The following TSHZ3 variants were observed in gnomAD, a reference collection of about 807,000 sequenced individuals.
TSHZ3 encodes teashirt homolog 3.
Under a neutral mutation model 64.5 loss-of-function variants are expected in TSHZ3, and 10 were observed. That is an observed-to-expected ratio of 0.16 (90% CI 0.10 to 0.26). TSHZ3 has a LOEUF of 0.26. Ranked by LOEUF, TSHZ3 falls within the 10% of genes least tolerant of loss-of-function variation. The probability of loss-of-function intolerance (pLI) is 1.00; values close to 1 mark genes in which losing one functional copy is unlikely to be tolerated. For synonymous variants in TSHZ3, 608 were observed against 593.1 expected (o/e 1.03, Z -0.36); for missense variants, 1,242 against 1,421.7 (o/e 0.87, Z 2.03).
At chr19:31,197,392 C>A in intron 5 of TSHZ3, among the ~76,000 whole-genome samples, 1 of 149,182 alleles carries the variant, frequency 6.7e-6, no homozygotes, top group Admixed American at 6.7e-5. Context: ...TCTAGGCTTC[C>A]ATTAGAGAAA....
At chr19:31,215,594 T>G (rs1394424240) in intron 4 of TSHZ3, among the ~76,000 whole-genome samples, 2 of 152,240 alleles carry the variant, frequency 1.3e-5, no homozygotes, top group Admixed American at 6.5e-5. Flanking sequence ...GGTTCTAAGC[T>G]GGGTGTGGTG....
At chr19:31,163,839 C>T (rs76666656) in intron 5 of TSHZ3, among the ~76,000 whole-genome samples, 119 of 152,310 alleles carry the variant, frequency 7.8e-4, no homozygotes, top group African/African-American at 2.8e-3. Flanking sequence ...CCAATAATCC[C>T]ATCAAGAAGA....
At chr19:31,236,650 C>T (rs1169384053) in intron 3 of TSHZ3, among the ~76,000 whole-genome samples, 1 of 152,040 alleles carries the variant, frequency 6.6e-6, no homozygotes, top group African/African-American at 2.4e-5. Flanking sequence ...TTATCTCACA[C>T]CATACACAAA....
At chr19:31,258,870 G>T (rs1975948300) in intron 1 of TSHZ3, among the ~76,000 whole-genome samples, 1 of 152,182 alleles carries the variant, frequency 6.6e-6, no homozygotes, top group South Asian at 2.1e-4. Flanking sequence ...GGCCCATCGG[G>T]TCGATTCCTC....
intron 1 of TSHZ3, 156 bp downstream of exon 1, chr19:31,349,024 G>C: frequency 1.1e-6 from 1 of 913,186 alleles, no homozygotes; most frequent in Non-Finnish European, 1.5e-6. Context: ...CCCGGTACCC[G>C]AGGCGGGCGC....
At chr19:31,249,789 A>G (rs1472366) in intron 1 of TSHZ3, among the ~76,000 whole-genome samples, 51,737 of 151,880 alleles carry the variant, frequency 0.34, 12,761 homozygotes, top group African/African-American at 0.69. Context: ...CATCTCCCCA[A>G]CCCCAGCTTC....
At chr19:31,173,076 A>G (rs1974558233) in intron 5 of TSHZ3, among the ~76,000 whole-genome samples, 1 of 152,228 alleles carries the variant, frequency 6.6e-6, no homozygotes, top group African/African-American at 2.4e-5. Flanking sequence ...GAGAAGTAGT[A>G]TTAATTATCT....
chr19:31,328,926 G>T (rs1206397280), intron 1 of TSHZ3, among the ~76,000 whole-genome samples: 1 of 152,152 alleles, frequency 6.6e-6, no homozygotes, highest in Non-Finnish European at 1.5e-5. Context: ...CACCTAAGCG[G>T]GAGTGGCTCC....
intron 5 of TSHZ3, among the ~76,000 whole-genome samples, chr19:31,202,770 C>T (rs764922430): frequency 1.3e-5 from 2 of 152,164 alleles, no homozygotes; most frequent in South Asian, 2.1e-4. Context: ...AAAGTCAGTA[C>T]ATATAATACA....
chr19:31,229,169 C>A (rs1217440074), intron 3 of TSHZ3, among the ~76,000 whole-genome samples: 1 of 152,146 alleles, frequency 6.6e-6, no homozygotes, highest in African/African-American at 2.4e-5. Context: ...AATTCCAATC[C>A]AAATTTTAAT....
intron 4 of TSHZ3, among the ~76,000 whole-genome samples, chr19:31,206,333 A>T (rs1027396971): frequency 6.6e-6 from 1 of 152,024 alleles, no homozygotes; most frequent in East Asian, 1.9e-4. Context: ...GGATAGATGG[A>T]TGAGAGAATG....
At chr19:31,326,082 G>A (rs1446858757) in intron 1 of TSHZ3, among the ~76,000 whole-genome samples, 1 of 152,178 alleles carries the variant, frequency 6.6e-6, no homozygotes, top group Non-Finnish European at 1.5e-5. Flanking sequence ...TTGGATGCAT[G>A]TCAAAGTAAA....
intron 5 of TSHZ3, among the ~76,000 whole-genome samples, chr19:31,157,900 C>A (rs946784379): frequency 2.6e-5 from 4 of 152,190 alleles, no homozygotes; most frequent in Non-Finnish European, 4.4e-5. Flanking sequence ...GCATAGGCTG[C>A]TTCTAAGACC....
intron 1 of TSHZ3, 52 bp downstream of exon 1, chr19:31,349,128 C>T: frequency 6.6e-7 from 1 of 1,521,662 alleles, no homozygotes. Context: ...AGGCGCGGGG[C>T]GAGCGGAGGA....
chr19:31,280,694 C>T (rs1033101758), intron 1 of TSHZ3, among the ~76,000 whole-genome samples: 2 of 152,324 alleles, frequency 1.3e-5, no homozygotes, highest in Admixed American at 1.3e-4. Flanking sequence ...GGGCATCCAA[C>T]AGAGATCCTG....
chr19:31,234,280 G>C (rs1975578480), intron 3 of TSHZ3, among the ~76,000 whole-genome samples: 1 of 151,428 alleles, frequency 6.6e-6, no homozygotes, highest in African/African-American at 2.4e-5. Context: ...AAAATCCTTA[G>C]GATTTTCTAT....
In TSHZ3 at chr19:31,277,957, C is replaced by A; in HGVS notation, c.1836G>T (p.Glu612Asp). 1 of 1,614,244 alleles carries A rather than the reference C, an allele frequency of 6.2e-7. No individual in the cohort carries two copies. Among genetic ancestry groups the A allele is most frequent in the Non-Finnish European group, 8.5e-7 (1 of 1,180,052 alleles). The change falls in exon 2 of 2, where the codon GAG (glutamate) becomes GAT (aspartate). Residue 612 changes from glutamate (E) to aspartate (D), a missense_variant. Glu to Asp is a conservative substitution (Grantham distance 45). Around this residue, in one of 4 missense-constraint regions of TSHZ3, gnomAD observed 550 missense variants for 545.1 expected, o/e 1.01. Coordinates refer to ENST00000240587, the MANE Select transcript of TSHZ3 (RefSeq NM_020856.4). This position sits in a 1 kb window ranked among gnomAD's most constrained non-coding sequence, Gnocchi z 4.5. Reference protein sequence around the residue: ...MPKTNFHAMEELVKKVTEKVA... With the variant: ...MPKTNFHAMEDLVKKVTEKVA... Reference sequence around the variant, plus strand: ...CTTTCTCAGTGACCTTTTTCACCAGCTCCTCCATGGCATGAAAGTTTGTCT... The same window carrying A: ...CTTTCTCAGTGACCTTTTTCACCAGATCCTCCATGGCATGAAAGTTTGTCT...
At chr19:31,259,277 G>A (rs551530956) in intron 1 of TSHZ3, among the ~76,000 whole-genome samples, 24 of 152,170 alleles carry the variant, frequency 1.6e-4, no homozygotes, top group South Asian at 6.2e-4. Context: ...CTTTTGGGTC[G>A]ACTAAATTTT....
At chr19:31,255,131 G>A (rs1975892612) in intron 1 of TSHZ3, among the ~76,000 whole-genome samples, 1 of 152,206 alleles carries the variant, frequency 6.6e-6, no homozygotes, top group Non-Finnish European at 1.5e-5. Context: ...GAAGGAAAAC[G>A]AAGGAGATGA....
Sources: allele counts gnomAD v4.1 joint callset (sites outside exome capture counted in the v4.1 genomes callset), GRCh38; gene constraint gnomAD v4.1.1; regional missense constraint gnomAD v4.1.1; non-coding constraint Gnocchi (gnomAD v3.1); transcripts MANE v1.5; gene names NCBI Gene and HGNC (gene_info 2026-07-23, HGNC 2026-07-21).